Variants in PRKAG2 observed in about 807,000 individuals in gnomAD.
PRKAG2 encodes protein kinase AMP-activated non-catalytic subunit gamma 2.
A neutral mutation model predicts 69.6 loss-of-function variants in PRKAG2; 26 were observed. The observed-to-expected ratio is 0.37, with a 90% CI of 0.27 to 0.52. The LOEUF (loss-of-function observed/expected upper bound fraction) is 0.52, where lower values mean the gene tolerates loss of function less well. Among genes scored for constraint, PRKAG2 ranks in the 20% least tolerant of loss-of-function variants. PRKAG2 has a pLI of 0.90. For missense variants in PRKAG2, 557 were observed against 740.0 expected (o/e 0.75, Z 2.87); for synonymous variants, 293 against 285.0 (o/e 1.03, Z -0.28).
At chr7:151,844,964 C>T (rs1586709853) in intron 1 of PRKAG2, among the ~76,000 whole-genome samples, 3 of 152,160 alleles carry the variant, frequency 2.0e-5, no homozygotes, top group Admixed American at 2.0e-4. Flanking sequence ...GACACGGGGA[C>T]GTCACAGCTC....
chr7:151,832,956 G>C (rs918790324), intron 1 of PRKAG2, among the ~76,000 whole-genome samples: 1 of 152,164 alleles, frequency 6.6e-6, no homozygotes, highest in African/African-American at 2.4e-5. Context: ...CCTGAAAAGT[G>C]GGGGACATCT....
intron 3 of PRKAG2, among the ~76,000 whole-genome samples, chr7:151,776,407 G>C (rs904305979): frequency 4.3e-5 from 6 of 140,430 alleles, no homozygotes; most frequent in African/African-American, 1.7e-4. Context: ...TGAACCTGGG[G>C]ATTTTCTACC....
At chr7:151,798,397 C>T (rs532580855) in intron 1 of PRKAG2, among the ~76,000 whole-genome samples, 1 of 152,240 alleles carries the variant, frequency 6.6e-6, no homozygotes, top group Middle Eastern at 3.4e-3. Flanking sequence ...TCACTTCAAC[C>T]TCCGCCTCCC....
chr7:151,830,233 C>T (rs371890648), intron 1 of PRKAG2, among the ~76,000 whole-genome samples: 7 of 151,636 alleles, frequency 4.6e-5, no homozygotes, highest in Middle Eastern at 3.2e-3. Flanking sequence ...TGGCCCAGGC[C>T]GAGAGGAACC....
chr7:151,628,203 T>C (rs1391272652), intron 5 of PRKAG2, among the ~76,000 whole-genome samples: 2 of 152,152 alleles, frequency 1.3e-5, no homozygotes, highest in South Asian at 2.1e-4. Flanking sequence ...CTTCATGAAG[T>C]GGTACCAGAG....
chr7:151,811,422 C>G (rs1456047927), intron 1 of PRKAG2, among the ~76,000 whole-genome samples: 1 of 152,256 alleles, frequency 6.6e-6, no homozygotes, highest in African/African-American at 2.4e-5. Flanking sequence ...CACGAGGCCT[C>G]TGGGGTGAAG....
At chr7:151,793,071 T>A (rs2077340005) in intron 1 of PRKAG2, among the ~76,000 whole-genome samples, 1 of 151,950 alleles carries the variant, frequency 6.6e-6, no homozygotes, top group Admixed American at 6.5e-5. Context: ...GCCTTGTAGC[T>A]CGCACGTTCT....
At chr7:151,859,251 C>T (rs749332607) in intron 1 of PRKAG2, among the ~76,000 whole-genome samples, 2 of 152,228 alleles carry the variant, frequency 1.3e-5, no homozygotes, top group Non-Finnish European at 2.9e-5. Context: ...CCGCGGGGAA[C>T]GGCGTCAGAC....
chr7:151,634,721 A>C (rs1385478383), intron 4 of PRKAG2, among the ~76,000 whole-genome samples: 3 of 152,246 alleles, frequency 2.0e-5, no homozygotes, highest in Non-Finnish European at 4.4e-5. Flanking sequence ...GAGCTGTTTC[A>C]CCAAGAAAGA....
chr7:151,626,155 CCA>C (rs1822849720), intron 5 of PRKAG2, among the ~76,000 whole-genome samples: 1 of 152,156 alleles, frequency 6.6e-6, no homozygotes, highest in African/African-American at 2.4e-5. Flanking sequence ...CCAGCTGGTT[CCA>C]GTTACTTGCG....
chr7:151,700,117 T>C (rs1217205307), intron 3 of PRKAG2, among the ~76,000 whole-genome samples: 2 of 152,228 alleles, frequency 1.3e-5, no homozygotes, highest in Non-Finnish European at 2.9e-5. Context: ...CATTGCATCA[T>C]TGCAAAATGA....
intron 3 of PRKAG2, among the ~76,000 whole-genome samples, chr7:151,727,132 T>C (rs903062802): frequency 1.3e-5 from 2 of 152,072 alleles, no homozygotes; most frequent in African/African-American, 4.8e-5. Flanking sequence ...GGAGAATCTC[T>C]TGAACCCAGC....
chr7:151,851,685 AC>A (rs1313476280), intron 1 of PRKAG2, among the ~76,000 whole-genome samples: 1 of 151,912 alleles, frequency 6.6e-6, no homozygotes, highest in East Asian at 1.9e-4. Context: ...CTGGGGCCCC[AC>A]TCTGCATGCT....
intron 1 of PRKAG2, among the ~76,000 whole-genome samples, chr7:151,837,696 C>G (rs1444946041): frequency 6.6e-6 from 1 of 152,092 alleles, no homozygotes; most frequent in African/African-American, 2.4e-5. Flanking sequence ...GCTCTTAAGC[C>G]CTAACACCTT....
intron 3 of PRKAG2, among the ~76,000 whole-genome samples, chr7:151,725,541 G>A (rs1398631708): frequency 1.3e-5 from 2 of 150,614 alleles, no homozygotes; most frequent in Admixed American, 6.6e-5. Context: ...TTTATGTTAT[G>A]CATATTTACC....
At chr7:151,751,723 C>T (rs181927576) in intron 3 of PRKAG2, among the ~76,000 whole-genome samples, 12 of 151,974 alleles carry the variant, frequency 7.9e-5, no homozygotes, top group African/African-American at 2.7e-4. Context: ...CAGGGTCTCG[C>T]TACGGTCTTG....
At chr7:151,734,719 T>G (rs1799484744) in intron 3 of PRKAG2, among the ~76,000 whole-genome samples, 1 of 152,008 alleles carries the variant, frequency 6.6e-6, no homozygotes, top group Admixed American at 6.6e-5. Context: ...TCGGCTAACT[T>G]TTAAATTTTT....
intron 1 of PRKAG2, among the ~76,000 whole-genome samples, chr7:151,843,968 T>C (rs1446583037): frequency 6.6e-6 from 1 of 152,250 alleles, no homozygotes; most frequent in Non-Finnish European, 1.5e-5. Context: ...ACAGAAGCTT[T>C]TTAAAAATTC....
At chr7:151,815,812 C>T (rs898773401) in intron 1 of PRKAG2, among the ~76,000 whole-genome samples, 2 of 152,162 alleles carry the variant, frequency 1.3e-5, no homozygotes, top group South Asian at 2.1e-4. Flanking sequence ...TTCAGAACCC[C>T]GCCGTGTCCC....
Sources: gnomAD v4.1 joint callset for allele counts (sites outside exome capture counted in the v4.1 genomes callset) on GRCh38, gnomAD v4.1.1 for gene constraint, MANE v1.5 for transcripts, NCBI Gene and HGNC (gene_info 2026-07-23, HGNC 2026-07-21) for gene names.